PCDHA9: variants seen among roughly 807,000 people sequenced by gnomAD.
PCDHA9 encodes the protein protocadherin alpha-9.
A neutral mutation model predicts 62.0 loss-of-function variants in PCDHA9; 62 were observed. The observed-to-expected ratio is 1.00, with a 90% CI of 0.81 to 1.23. The LOEUF (loss-of-function observed/expected upper bound fraction) is 1.23, where lower values mean the gene tolerates loss of function less well. PCDHA9 is among the 50% of genes most tolerant of loss of function. The pLI is 0.00. For synonymous variants in PCDHA9, 557 were observed against 567.6 expected (o/e 0.98, Z 0.27); for missense variants, 1,205 against 1,249.8 (o/e 0.96, Z 0.54).
At chr5:140,926,584 C>T in intron 1 of PCDHA9, 1 of 285,400 alleles carries the variant, frequency 3.5e-6, no homozygotes, top group Non-Finnish European at 6.4e-6. Context: ...GCACCTCTCG[C>T]GCCCGGGCGG....
At chr5:140,907,706 A>G (rs1171479205) in intron 1 of PCDHA9, among the ~76,000 whole-genome samples, 1 of 152,172 alleles carries the variant, frequency 6.6e-6, no homozygotes, top group Non-Finnish European at 1.5e-5. Flanking sequence ...CCTGTTGCTG[A>G]GCCCATGTGT....
At chr5:140,943,144 G>C (rs894787678) in intron 1 of PCDHA9, among the ~76,000 whole-genome samples, 1 of 151,178 alleles carries the variant, frequency 6.6e-6, no homozygotes, top group Non-Finnish European at 1.5e-5. Context: ...TGTAGTCCCA[G>C]CTACTCTGGA....
intron 1 of PCDHA9, chr5:140,927,555 C>T (rs1554204727): frequency 8.7e-6 from 14 of 1,614,058 alleles, no homozygotes; most frequent in East Asian, 2.2e-5. Flanking sequence ...AAGTCACCAT[C>T]ATTGTGGTGG....
chr5:140,979,090 C>A, intron 2 of PCDHA9, 83 bp downstream of exon 2: 1 of 1,557,284 alleles, frequency 6.4e-7, no homozygotes, highest in Non-Finnish European at 8.7e-7. Flanking sequence ...AGGCCAGAAG[C>A]AGCTGTCAAA....
intron 3 of PCDHA9, among the ~76,000 whole-genome samples, chr5:141,007,395 C>CAAAAAAAAAAAAAAAAAA (rs35800918): frequency 1.1e-5 from 1 of 94,866 alleles, no homozygotes; most frequent in African/African-American, 4.3e-5. Context: ...TACTAAAATA[C>CAAAAAAAAAAAAAAAAAA]AAAAAAAAAA....
intron 1 of PCDHA9, among the ~76,000 whole-genome samples, chr5:140,904,545 C>A (rs2071206893): frequency 6.6e-6 from 1 of 151,876 alleles, no homozygotes; most frequent in Admixed American, 6.6e-5. Context: ...GTATCTTTTT[C>A]ATATAATGAC....
At chr5:140,994,759 G>C (rs1193190612) in intron 3 of PCDHA9, among the ~76,000 whole-genome samples, 3 of 152,130 alleles carry the variant, frequency 2.0e-5, no homozygotes, top group African/African-American at 7.2e-5. Flanking sequence ...ATGTGGAGAG[G>C]AAGAGAATTC....
At chr5:140,929,195 G>GT in intron 1 of PCDHA9, 2 of 1,614,140 alleles carry the variant, frequency 1.2e-6, no homozygotes, top group Non-Finnish European at 1.7e-6. Context: ...GATAATAACA[G>GT]TTTGCTGTTG....
At chr5:140,927,412 G>T (rs781968521) in intron 1 of PCDHA9, 1 of 1,614,122 alleles carries the variant, frequency 6.2e-7, no homozygotes, top group East Asian at 2.2e-5. Flanking sequence ...CCTGGACATG[G>T]GATCGCGGGT....
At chr5:140,915,232 C>T (rs1554196813) in intron 1 of PCDHA9, among the ~76,000 whole-genome samples, 1 of 152,156 alleles carries the variant, frequency 6.6e-6, no homozygotes, top group Non-Finnish European at 1.5e-5. Flanking sequence ...CAGGCATGAG[C>T]CACCATGCCT....
chr5:140,979,125 C>T (rs782380399), intron 2 of PCDHA9, 118 bp downstream of exon 2: 4 of 1,479,726 alleles, frequency 2.7e-6, no homozygotes, highest in African/African-American at 2.8e-5. Context: ...GGTACTTTGC[C>T]AGGAAAATGC....
chr5:141,006,105 G>T (rs2098255059), intron 3 of PCDHA9, among the ~76,000 whole-genome samples: 1 of 143,364 alleles, frequency 7.0e-6, no homozygotes. Context: ...ATGGTAAGGA[G>T]TTTTTTTTTT....
intron 1 of PCDHA9, among the ~76,000 whole-genome samples, chr5:140,945,576 T>G (rs1383348275): frequency 6.6e-6 from 1 of 152,064 alleles, no homozygotes; most frequent in African/African-American, 2.4e-5. Context: ...ACTACCTGGC[T>G]TCAAAATATA....
chr5:140,876,120 T>C (rs782687154), intron 1 of PCDHA9: 15 of 1,613,844 alleles, frequency 9.3e-6, no homozygotes, highest in East Asian at 6.7e-5. Context: ...TGGTAATCGA[T>C]GGCGGTAAAC....
chr5:140,966,932 G>T, intron 1 of PCDHA9: 2 of 1,603,726 alleles, frequency 1.2e-6, no homozygotes, highest in Non-Finnish European at 1.7e-6. Context: ...GGCACCCGGC[G>T]CGCTCGTGGG....
intron 3 of PCDHA9, among the ~76,000 whole-genome samples, chr5:141,006,484 A>T (rs1028996250): frequency 9.9e-5 from 15 of 152,130 alleles, no homozygotes; most frequent in Non-Finnish European, 7.4e-5. Flanking sequence ...AAGTGCTGGG[A>T]TTACATGTGT....
intron 3 of PCDHA9, among the ~76,000 whole-genome samples, chr5:140,993,386 A>C (rs1435793353): frequency 6.6e-6 from 1 of 151,354 alleles, no homozygotes; most frequent in Non-Finnish European, 1.5e-5. Flanking sequence ...GGGTCCCTGA[A>C]ACTCCATCAT....
chr5:140,961,464 C>G (rs1364555316), intron 1 of PCDHA9, among the ~76,000 whole-genome samples: 1 of 152,126 alleles, frequency 6.6e-6, no homozygotes, highest in Non-Finnish European at 1.5e-5. Flanking sequence ...AGCTGCCTTT[C>G]TTTTTTTGTC....
At chr5:140,984,533 T>C (rs1477702565) in intron 3 of PCDHA9, among the ~76,000 whole-genome samples, 1 of 152,216 alleles carries the variant, frequency 6.6e-6, no homozygotes, top group African/African-American at 2.4e-5. Context: ...CTTCATGGAC[T>C]GTGCTGGATA....
Sources: allele counts gnomAD v4.1 joint callset (sites outside exome capture counted in the v4.1 genomes callset), GRCh38; gene constraint gnomAD v4.1.1; transcripts MANE v1.5; gene names NCBI Gene and HGNC (gene_info 2026-07-23, HGNC 2026-07-21).